Variants in CD274 observed in about 807,000 individuals in gnomAD.
CD274 encodes the protein programmed cell death 1 ligand 1.
In CD274, 8 loss-of-function variants were observed where a neutral mutation model predicts 30.1. The observed-to-expected ratio is 0.27, with a 90% confidence interval of 0.16 to 0.48. The LOEUF (loss-of-function observed/expected upper bound fraction) is 0.48, where lower values mean the gene tolerates loss of function less well. CD274 is among the 20% of genes least tolerant of loss of function. The pLI, the probability that CD274 is intolerant of heterozygous loss-of-function variation, is 0.99. For synonymous variants in CD274, 152 were observed against 124.6 expected (o/e 1.22, Z -1.46); for missense variants, 353 against 346.6 (o/e 1.02, Z -0.15).
intron 2 of CD274, among the ~76,000 whole-genome samples, chr9:5,456,608 C>G (rs1819308173): frequency 1.3e-5 from 2 of 152,170 alleles, no homozygotes; most frequent in South Asian, 4.1e-4. Context: ...CTGGCATCAC[C>G]CTGTGCTCTT....
In CD274 at chr9:5,457,183, C is replaced by G. The variant is rs768536942; in HGVS notation, c.157C>G (p.Leu53Val). 5.6e-6 allele frequency: 9 copies of G among 1,613,956 alleles called. No homozygotes were observed. The Admixed American group carries it at 1.3e-4, about 24-fold the overall frequency. The change falls in exon 3 of 7, where the codon CTA becomes GTA. Residue 53 changes from leucine (L) to valine (V), a missense_variant. Transcript: ENST00000381577. ...PVEKQLDLAA[L>V]IVYWEMEDKN... ...AGAAAAACAATTAGACCTGGCTGCA[C>G]TAATTGTCTATTGGGAAATGGAGGA...
intron 6 of CD274, among the ~76,000 whole-genome samples, chr9:5,467,378 A>G (rs1189449522): frequency 6.6e-6 from 1 of 152,216 alleles, no homozygotes; most frequent in Non-Finnish European, 1.5e-5. Context: ...CATCTGCTTC[A>G]ATCCATTTTG....
chr9:5,466,141 G>A (rs1005706186), intron 5 of CD274, among the ~76,000 whole-genome samples: 1 of 152,124 alleles, frequency 6.6e-6, no homozygotes, highest in African/African-American at 2.4e-5. Context: ...ATGAGTCAGA[G>A]TAAATAATTC....
In CD274 at chr9:5,468,063, TGGAGGGAGAC is replaced by T. The variant is rs1819526832; in HGVS notation, c.*202_*211del. The T allele has an allele frequency of 6.7e-6, 4 of 600,340 alleles. No homozygotes were observed. Among genetic ancestry groups the T allele is most frequent in the African/African-American group, 1.9e-5 (1 of 53,716 alleles). The allele number at this position is 600,340 out of a possible 1,614,324, so 37.2% of individuals were successfully genotyped here. A position where few individuals can be genotyped will look rare whatever the true frequency, so the allele number is the denominator to read the frequency against. The stretch of plus-strand genomic sequence containing the variant: ...GAAAGATGGAGTCAAACAGGGAGCC[TGGAGGGAGAC>T]CTTGATACTTTCAAATGCCTGAGGG... On this transcript the variant is annotated 3_prime_UTR_variant, in exon 7 of 7. Transcript: ENST00000381577.
intron 4 of CD274, 24 bp downstream of exon 4, chr9:5,463,145 A>G (rs1819436830): frequency 3.8e-6 from 6 of 1,593,642 alleles, no homozygotes; most frequent in African/African-American, 1.3e-5. Flanking sequence ...TGTGTCCATT[A>G]AAATATGTCT....
chr9:5,464,887 G>T (rs1484672297), intron 4 of CD274, among the ~76,000 whole-genome samples: 1 of 152,108 alleles, frequency 6.6e-6, no homozygotes, highest in African/African-American at 2.4e-5. Flanking sequence ...AGGAGTTTGT[G>T]ACCAGCCTGG....
rs1191093364 is a variant in CD274 at position 5,467,794 on chromosome 9, C to T, written c.851-46C>T. On this transcript the variant is annotated intron_variant, in intron 6 of 6. Transcript: ENST00000381577. ...TTATTAGATTTCTTGTTACTTTTTCCCCAGACCACTTCCCATGAAATTAAT... is the reference window on the plus strand; with the variant it reads ...TTATTAGATTTCTTGTTACTTTTTCTCCAGACCACTTCCCATGAAATTAAT... 5 of 1,502,828 alleles carry T rather than the reference C, an allele frequency of 3.3e-6. No homozygotes were observed. The African/African-American group carries it at 5.5e-5, about 17-fold the overall frequency. 93.1% of individuals were successfully genotyped at this position (1,502,828 alleles called of 1,614,324 possible). A position where few individuals can be genotyped will look rare whatever the true frequency, so the allele number is the denominator to read the frequency against.
chr9:5,455,529 A>G (rs1053195998), intron 1 of CD274, among the ~76,000 whole-genome samples: 1 of 152,158 alleles, frequency 6.6e-6, no homozygotes, highest in Admixed American at 6.5e-5. Context: ...GTTTATTGAG[A>G]GAATAGATTT....
chr9:5,459,641 A>G (rs1026586618), intron 3 of CD274, among the ~76,000 whole-genome samples: 1 of 152,152 alleles, frequency 6.6e-6, no homozygotes, highest in African/African-American at 2.4e-5. Flanking sequence ...CTCAATTATC[A>G]CTATCACTTC....
chr9:5,465,721 A>G, intron 5 of CD274, 115 bp downstream of exon 5: 1 of 640,168 alleles, frequency 1.6e-6, no homozygotes, highest in Non-Finnish European at 2.8e-6. Context: ...AAGGCATTCC[A>G]CTGTTCAACA....
At chr9:5,450,952 G>A (rs1479504209) in intron 1 of CD274, among the ~76,000 whole-genome samples, 1 of 152,156 alleles carries the variant, frequency 6.6e-6, no homozygotes, top group African/African-American at 2.4e-5. Context: ...CAAGTCCACC[G>A]CCAGCTGCTT....
intron 3 of CD274, among the ~76,000 whole-genome samples, chr9:5,462,528 T>C (rs756109716): frequency 2.6e-5 from 4 of 152,216 alleles, no homozygotes; most frequent in Non-Finnish European, 4.4e-5. Flanking sequence ...CATGGATATA[T>C]TACATAGTGG....
intron 1 of CD274, among the ~76,000 whole-genome samples, chr9:5,453,213 A>T (rs1273503563): frequency 6.6e-6 from 1 of 152,162 alleles, no homozygotes; most frequent in Non-Finnish European, 1.5e-5. Flanking sequence ...CAAGAGGATG[A>T]TGACTCATGT....
chr9:5,457,091 C>T lies in CD274; in HGVS notation c.65C>T (p.Thr22Met), dbSNP rs143235887. Reference protein sequence around the residue: ...YWHLLNAFTVTVPKDLYVVEY... With the variant: ...YWHLLNAFTVMVPKDLYVVEY... The stretch of plus-strand genomic sequence containing the variant: ...TCTTTCTTTTTAGCATTTACTGTCA[C>T]GGTTCCCAAGGACCTATATGTGGTA... The change falls in exon 3 of 7, where the codon ACG becomes ATG. Residue 22 changes from threonine (T) to methionine (M), a missense_variant. Transcript: ENST00000381577. 1.6e-4 allele frequency: 253 copies of T among 1,599,210 alleles called. No homozygotes were observed. Among genetic ancestry groups the T allele is most frequent in the Non-Finnish European group, 2.0e-4 (231 of 1,168,258 alleles).
At chr9:5,466,902 T>G (rs574920612) in intron 6 of CD274, 73 bp downstream of exon 6, 2 of 1,144,736 alleles carry the variant, frequency 1.7e-6, no homozygotes, top group African/African-American at 3.1e-5. Flanking sequence ...CAAAGAGAAA[T>G]CCATCAGTCA....
intron 4 of CD274, 133 bp downstream of exon 4, chr9:5,463,254 A>G (rs1228099284): frequency 2.6e-5 from 18 of 697,556 alleles, no homozygotes; most frequent in East Asian, 1.9e-4. Flanking sequence ...TTTACAAAAT[A>G]TATCCTAATT....
rs919853270 is a variant in CD274 at position 5,468,775 on chromosome 9, A to C, written c.*913A>C. 4 of 233,032 alleles carry C rather than the reference A, an allele frequency of 1.7e-5. No homozygotes were observed. Among genetic ancestry groups the C allele is most frequent in the Non-Finnish European group, 3.4e-5 (4 of 117,934 alleles). The allele number at this position is 233,032 out of a possible 1,614,324, so 14.4% of individuals were successfully genotyped here. ...ACAGATTAAGTAACTTGCCCAAACCAGTAAATAGCAGACCTCAGACTGCCA... is the reference window on the plus strand; with the variant it reads ...ACAGATTAAGTAACTTGCCCAAACCCGTAAATAGCAGACCTCAGACTGCCA... On this transcript the variant is annotated 3_prime_UTR_variant, in exon 7 of 7. Transcript: ENST00000381577.
rs113282802 is a variant in CD274, at chr9:5,466,735, C to A, written c.791-35C>A. On this transcript the variant is annotated intron_variant, in intron 5 of 6. Coordinates refer to ENST00000381577, the MANE Select transcript of CD274 (RefSeq NM_014143.4). ...TCACTGTATGGGATGTAGAGCTGTG[C>A]TATATGGAAATAAAAATGATTTCTT... 1,361 of 1,508,176 alleles carry A rather than the reference C, an allele frequency of 9.0e-4. 15 individuals carry two copies. In the African/African-American group the frequency reaches 0.016, roughly 18 times the overall value. The allele number at this position is 1,508,176 out of a possible 1,614,324, so 93.4% of individuals were successfully genotyped here.
intron 3 of CD274, among the ~76,000 whole-genome samples, chr9:5,458,485 T>G (rs141608538): frequency 3.9e-5 from 6 of 152,316 alleles, no homozygotes; most frequent in African/African-American, 1.2e-4. Context: ...CTTTTAATAT[T>G]TGACTAGAAT....
Sources: gnomAD v4.1 joint callset for allele counts (sites outside exome capture counted in the v4.1 genomes callset) on GRCh38, gnomAD v4.1.1 for gene constraint, MANE v1.5 for transcripts, NCBI Gene and HGNC (gene_info 2026-07-23, HGNC 2026-07-21) for gene names.